LRP12: variants seen among roughly 807,000 people sequenced by gnomAD.
LRP12 encodes low-density lipoprotein receptor-related protein 12.
Under a neutral mutation model 66.0 loss-of-function variants are expected in LRP12, and 14 were observed. The observed-to-expected ratio is 0.21, with a 90% CI of 0.14 to 0.33. The LOEUF (loss-of-function observed/expected upper bound fraction) is 0.33, where lower values mean the gene tolerates loss of function less well. Ranked by LOEUF, LRP12 falls within the 10% of genes least tolerant of loss-of-function variation. The probability of loss-of-function intolerance (pLI) is 1.00; values close to 1 mark genes in which losing one functional copy is unlikely to be tolerated. For synonymous variants in LRP12, 357 were observed against 359.1 expected (o/e 0.99, Z 0.07); for missense variants, 889 against 1,053.4 (o/e 0.84, Z 2.16).
At chr8:104,569,227 G>A (rs1234493620) in intron 1 of LRP12, among the ~76,000 whole-genome samples, 1 of 152,150 alleles carries the variant, frequency 6.6e-6, no homozygotes, top group African/African-American at 2.4e-5. Context: ...CAAATCCATA[G>A]TGACAGAAAG....
At chr8:104,526,484 A>G (rs1313061233) in intron 2 of LRP12, among the ~76,000 whole-genome samples, 3 of 150,890 alleles carry the variant, frequency 2.0e-5, no homozygotes, top group Non-Finnish European at 4.4e-5. Flanking sequence ...CAAAACAGAG[A>G]TATAGATCAA....
chr8:104,519,473 T>C (rs924287302), intron 2 of LRP12, among the ~76,000 whole-genome samples: 8 of 152,060 alleles, frequency 5.3e-5, no homozygotes, highest in African/African-American at 1.9e-4. Context: ...AAATTTGGAA[T>C]ATTTGCGCAT....
At chr8:104,517,945 G>A (rs1264079784) in intron 2 of LRP12, among the ~76,000 whole-genome samples, 1 of 152,054 alleles carries the variant, frequency 6.6e-6, no homozygotes, top group Non-Finnish European at 1.5e-5. Context: ...TCAATACATG[G>A]AAAATATTAT....
Position 104,508,991 on chromosome 8 carries a change from T to C in LRP12, c.220A>G (p.Ile74Val), listed in dbSNP as rs1358426638. 8 of 1,613,776 alleles carry C rather than the reference T, an allele frequency of 5.0e-6. No individual in the cohort carries two copies. In the Admixed American group the frequency reaches 1.3e-4, roughly 27 times the overall value. Residue 74 changes from isoleucine (I) to valine (V), a missense_variant, in exon 3 of 7, where the codon ATC becomes GTC. By Grantham distance (29) the Ile-to-Val change is conservative (BLOSUM62 3). Coordinates refer to ENST00000276654, the MANE Select transcript of LRP12 (RefSeq NM_013437.5). Reference sequence around the variant, plus strand: ...GCCCTTATGAACCAGCTACAGTTGATTTTTGCAGGATATTCAGAAGGCCAG... The same window carrying C: ...GCCCTTATGAACCAGCTACAGTTGACTTTTGCAGGATATTCAGAAGGCCAG... ...PGWPSEYPAK[I>V]NCSWFIRANP...
At chr8:104,575,714 GC>G (rs1812154477) in intron 1 of LRP12, among the ~76,000 whole-genome samples, 1 of 152,170 alleles carries the variant, frequency 6.6e-6, no homozygotes, top group Non-Finnish European at 1.5e-5. Flanking sequence ...AAGCCAGAGT[GC>G]CTTTTTCCCT....
Position 104,491,193 on chromosome 8 carries a change from G to A in LRP12, c.2060C>T (p.Ala687Val), listed in dbSNP as rs190890755. 127 of 1,614,014 alleles carry A rather than the reference G, an allele frequency of 7.9e-5. 1 individual carries two copies. The South Asian group carries it at 9.7e-4, about 12-fold the overall frequency. The change falls in exon 7 of 7, where the codon GCG (alanine) becomes GTG (valine). Residue 687 changes from alanine to valine, a missense_variant. Physicochemically the swap from Ala to Val is moderately conservative, Grantham distance 64. Transcript: ENST00000276654. The part of the protein sequence containing the change: ...QKVPPTTAVE[A>V]TVGACASSST... ...GGAACTTGCACATGCTCCTACTGTC[G>A]CTTCTACTGCCGTTGTGGGAGGGAC...
rs188557688 is a variant in LRP12 at position 104,514,763 on chromosome 8, T to C, written c.137-5689A>G. Among the ~76,000 whole-genome samples the C allele has an allele frequency of 1.2e-4, 19 of 152,228 alleles. No homozygotes were observed. The East Asian group carries it at 3.5e-3, about 28-fold the overall frequency. On this transcript the variant is annotated intron_variant, in intron 2 of 6. Coordinates refer to ENST00000276654, the MANE Select transcript of LRP12 (RefSeq NM_013437.5). Reference sequence around the variant, plus strand: ...CACTTGTAAATGGGGATTAAAATACTAGTACACAGGATGTTCCAAGGATTA... The same window carrying C: ...CACTTGTAAATGGGGATTAAAATACCAGTACACAGGATGTTCCAAGGATTA...
intron 1 of LRP12, among the ~76,000 whole-genome samples, chr8:104,571,148 G>A (rs373160920): frequency 6.6e-6 from 1 of 152,260 alleles, no homozygotes; most frequent in African/African-American, 2.4e-5. Flanking sequence ...TCTGGAAAAC[G>A]GTTTGGTAGT....
In LRP12 at chr8:104,548,338, AATATATAAATATATAAT is replaced by A. The variant is rs1175698881; in HGVS notation, c.80-16392_80-16376del. Among the ~76,000 whole-genome samples the A allele has an allele frequency of 6.7e-3, 58 of 8,652 alleles. 2 individuals carry two copies. The highest frequency in any genetic ancestry group is 0.029 in the African/African-American group (22 of 752). 5.7% of individuals were successfully genotyped at this position (8,652 alleles called of 152,430 possible). On this transcript the variant is annotated intron_variant, in intron 1 of 6. Transcript: ENST00000276654. ...ATAAATATATAATATATATTATATA[AATATATAAATATATAAT>A]ATATATTATATAAATATATTATATA...
intron 2 of LRP12, among the ~76,000 whole-genome samples, chr8:104,514,417 T>C (rs1313596544): frequency 1.3e-5 from 2 of 151,324 alleles, no homozygotes; most frequent in East Asian, 3.9e-4. Flanking sequence ...CAGATAAAAC[T>C]TAAGTCTCCG....
At chr8:104,546,876 AATTATTCTTCTTATAATT>A (rs1315607377) in intron 1 of LRP12, among the ~76,000 whole-genome samples, 1 of 143,286 alleles carries the variant, frequency 7.0e-6, no homozygotes, top group Admixed American at 7.2e-5. Context: ...TTCTTCTTAT[AATTATTCTTCTTATAATT>A]ATTATTATAT....
At chr8:104,578,278 C>T (rs951969218) in intron 1 of LRP12, among the ~76,000 whole-genome samples, 3 of 152,090 alleles carry the variant, frequency 2.0e-5, no homozygotes, top group Non-Finnish European at 4.4e-5. Flanking sequence ...TGCACATAAA[C>T]TAGAAAAATC....
chr8:104,578,450 C>A (rs1003226458), intron 1 of LRP12, among the ~76,000 whole-genome samples: 1 of 152,046 alleles, frequency 6.6e-6, no homozygotes, highest in African/African-American at 2.4e-5. Flanking sequence ...CTGAATTCTA[C>A]CAGATGTACA....
chr8:104,505,399 CTTT>C lies in LRP12; in HGVS notation c.272+3537_272+3539del, dbSNP rs57277820. The stretch of plus-strand genomic sequence containing the variant: ...AGAGAGTTCTCATTTTCCTTCTTTC[CTTT>C]TTTTTTTTTTTTTTTTTTTTGAGAC... On this transcript the variant is annotated intron_variant, in intron 3 of 6. Coordinates refer to ENST00000276654, the MANE Select transcript of LRP12 (RefSeq NM_013437.5). 529 of 103,338 alleles carry C rather than the reference CTTT, an allele frequency of 5.1e-3. 4 individuals carry two copies. The highest frequency in any genetic ancestry group is 0.02 in the African/African-American group (499 of 25,188). The allele number at this position is 103,338 out of a possible 1,614,324, so 6.4% of individuals were successfully genotyped here. A position where few individuals can be genotyped will look rare whatever the true frequency, so the allele number is the denominator to read the frequency against.
At chr8:104,562,652 A>G (rs993463050) in intron 1 of LRP12, among the ~76,000 whole-genome samples, 3 of 152,070 alleles carry the variant, frequency 2.0e-5, no homozygotes, top group African/African-American at 7.2e-5. Flanking sequence ...TATTTCTCTG[A>G]CTGCTTTTGA....
intron 1 of LRP12, among the ~76,000 whole-genome samples, chr8:104,542,099 T>C (rs1177558602): frequency 6.6e-6 from 1 of 152,174 alleles, no homozygotes; most frequent in Non-Finnish European, 1.5e-5. Flanking sequence ...GGCAATACCA[T>C]TTTACATTCT....
At chr8:104,508,899 T>C (rs780629638) in intron 3 of LRP12, 40 bp downstream of exon 3, 2 of 1,511,952 alleles carry the variant, frequency 1.3e-6, no homozygotes, top group Non-Finnish European at 1.8e-6. Flanking sequence ...AATTTATGTT[T>C]TGTAATAAAT....
intron 1 of LRP12, among the ~76,000 whole-genome samples, chr8:104,540,022 CAA>C (rs1811451651): frequency 6.6e-6 from 1 of 152,070 alleles, no homozygotes; most frequent in Non-Finnish European, 1.5e-5. Context: ...CATCTAGAAT[CAA>C]AGTGTGCAGA....
intron 1 of LRP12, among the ~76,000 whole-genome samples, chr8:104,575,099 G>A (rs576680920): frequency 6.6e-6 from 1 of 152,270 alleles, no homozygotes; most frequent in Admixed American, 6.5e-5. Flanking sequence ...GAGGGGGAAG[G>A]GCAGGGGTGA....
Sources: allele counts gnomAD v4.1 joint callset (sites outside exome capture counted in the v4.1 genomes callset), GRCh38; gene constraint gnomAD v4.1.1; transcripts MANE v1.5; gene names NCBI Gene and HGNC (gene_info 2026-07-23, HGNC 2026-07-21).